OR2J3: variants seen among roughly 807,000 people sequenced by gnomAD.
The protein encoded by OR2J3 is olfactory receptor 2J3.
OR2J3 carries 13 observed loss-of-function variants against 18.5 expected under a neutral mutation model. That is an observed-to-expected ratio of 0.70 (90% CI 0.46 to 1.12). The LOEUF (loss-of-function observed/expected upper bound fraction) is 1.12, where lower values mean the gene tolerates loss of function less well. Ranked by LOEUF, OR2J3 falls within the 50% of genes most tolerant of loss-of-function variation. The pLI is 0.00. For synonymous variants in OR2J3, 142 were observed against 140.6 expected (o/e 1.01, Z -0.07); for missense variants, 321 against 371.6 (o/e 0.86, Z 1.12).
intron 3 of OR2J3, among the ~76,000 whole-genome samples, chr6:29,110,354 C>T (rs373015579): frequency 6.6e-6 from 1 of 152,140 alleles, no homozygotes; most frequent in Non-Finnish European, 1.5e-5. Flanking sequence ...CTAATTGAAG[C>T]TAAACATTTT....
chr6:29,112,100 A>C lies in OR2J3; in HGVS notation c.210A>C (p.Ser70=). ...TPMYFFLSNL[S]FLDLCYTTSS... ...TGTACTTCTTCCTTTCAAACCTCTC[A>C]TTTCTGGATCTCTGCTACACCACCA... The change falls in exon 4 of 4, where the codon TCA becomes TCC. Residue 70 remains serine (S), a synonymous_variant. Transcript: ENST00000641151. 2 of 1,613,878 alleles carry C rather than the reference A, an allele frequency of 1.2e-6. No individual in the cohort carries two copies. The highest frequency in any genetic ancestry group is 1.7e-6 in the Non-Finnish European group (2 of 1,179,980).
chr6:29,112,591 C>T lies in OR2J3; in HGVS notation c.701C>T (p.Thr234Ile), dbSNP rs1390797584. The T allele has an allele frequency of 6.2e-6, 10 of 1,614,088 alleles. No individual in the cohort carries two copies. Among genetic ancestry groups the T allele is most frequent in the Non-Finnish European group, 8.5e-6 (10 of 1,179,976 alleles). The change falls in exon 4 of 4, where the codon ACC becomes ATC. Residue 234 changes from threonine (T) to isoleucine (I), a missense_variant. Physicochemically the swap from Thr to Ile is moderately conservative, Grantham distance 89 (BLOSUM62 -1). Coordinates refer to ENST00000641151, the MANE Select transcript of OR2J3 (RefSeq NM_001005216.4). ...CGAGCTATACTGAGGATGCAGTCAACCACTGGGCTTCAGAAAGTGTTTGGA... is the reference window on the plus strand; with the variant it reads ...CGAGCTATACTGAGGATGCAGTCAATCACTGGGCTTCAGAAAGTGTTTGGA... The part of the protein sequence containing the change: ...IVRAILRMQS[T>I]TGLQKVFGTC...
intron 3 of OR2J3, 178 bp from the exon 4 acceptor site, chr6:29,111,703 G>A: frequency 1.7e-6 from 1 of 585,046 alleles, no homozygotes; most frequent in Non-Finnish European, 2.9e-6. Context: ...TTTTATATCA[G>A]TATGAGCTTT....
chr6:29,111,915 G>C lies in OR2J3; in HGVS notation c.25G>C (p.Ala9Pro). The change falls in exon 4 of 4, where the codon GCT (alanine) becomes CCT (proline). Residue 9 changes from alanine (A) to proline (P), a missense_variant. Coordinates refer to ENST00000641151, the MANE Select transcript of OR2J3 (RefSeq NM_001005216.4). MNDDGKVN[A>P]SSEGYFILVG... Reference sequence around the variant, plus strand: ...AATGAATGATGATGGAAAAGTCAATGCTAGCTCTGAGGGGTACTTTATTTT... The same window carrying C: ...AATGAATGATGATGGAAAAGTCAATCCTAGCTCTGAGGGGTACTTTATTTT... 6.2e-7 allele frequency: 1 copy of C among 1,613,078 alleles called. No homozygotes were observed.
At position 29,112,877 on chromosome 6, in the gene OR2J3, A is replaced by G; in HGVS notation, c.*51A>G. 1 of 1,530,814 alleles carries G rather than the reference A, an allele frequency of 6.5e-7. No homozygotes were observed. Among genetic ancestry groups the G allele is most frequent in the Non-Finnish European group, 8.8e-7 (1 of 1,142,798 alleles). The allele number at this position is 1,530,814 out of a possible 1,614,324, so 94.8% of individuals were successfully genotyped here. On this transcript the variant is annotated 3_prime_UTR_variant, in exon 4 of 4. Transcript: ENST00000641151. Reference sequence around the variant, plus strand: ...TATAACAGAGTCTCCCCTCACAATGATTCATCCTTCTATTTATTTATCAAC... The same window carrying G: ...TATAACAGAGTCTCCCCTCACAATGGTTCATCCTTCTATTTATTTATCAAC...
rs1015886233 is a variant in OR2J3 at position 29,113,311 on chromosome 6, T to C, written c.*485T>C. On this transcript the variant is annotated 3_prime_UTR_variant, in exon 4 of 4. Coordinates refer to ENST00000641151, the MANE Select transcript of OR2J3 (RefSeq NM_001005216.4). ...TACTTCAAATCCTTTTCTCCAACAA[T>C]GCTTATTCTTTGTCGGATAGTAAAT... 1 of 155,922 alleles carries C rather than the reference T, an allele frequency of 6.4e-6. No individual in the cohort carries two copies. Among genetic ancestry groups the C allele is most frequent in the African/African-American group, 2.4e-5 (1 of 41,526 alleles). 9.7% of individuals were successfully genotyped at this position (155,922 alleles called of 1,614,324 possible). A position where few individuals can be genotyped will look rare whatever the true frequency, so the allele number is the denominator to read the frequency against.
At position 29,112,905 on chromosome 6, in the gene OR2J3, T is replaced by G. The variant is rs540649343; in HGVS notation, c.*79T>G. 6.8e-7 allele frequency: 1 copy of G among 1,468,400 alleles called. No homozygotes were observed. The highest frequency in any genetic ancestry group is 2.3e-5 in the East Asian group (1 of 42,588). 91.0% of individuals were successfully genotyped at this position (1,468,400 alleles called of 1,614,324 possible). On this transcript the variant is annotated 3_prime_UTR_variant, in exon 4 of 4. Transcript: ENST00000641151. Reference sequence around the variant, plus strand: ...CATCCTTCTATTTATTTATCAACCATTCTTTTATTCACTCACTCTGTTAGC... The same window carrying G: ...CATCCTTCTATTTATTTATCAACCAGTCTTTTATTCACTCACTCTGTTAGC...
Position 29,112,581 on chromosome 6 carries a change from A to T in OR2J3, c.691A>T (p.Met231Leu), listed in dbSNP as rs1192048245. The T allele has an allele frequency of 1.2e-6, 2 of 1,613,850 alleles. No homozygotes were observed. The change falls in exon 4 of 4, where the codon ATG becomes TTG. Residue 231 changes from methionine to leucine, a missense_variant. Physicochemically the swap from Met to Leu is conservative, Grantham distance 15. Transcript: ENST00000641151. ...YGAIVRAILR[M>L]QSTTGLQKVF... ...TGCCATCGTCCGAGCTATACTGAGG[A>T]TGCAGTCAACCACTGGGCTTCAGAA...
At chr6:29,111,852 T>G (rs974385852) in intron 3 of OR2J3, 29 bp from the exon 4 acceptor site, 2 of 1,546,406 alleles carry the variant, frequency 1.3e-6, no homozygotes, top group Admixed American at 4.2e-5. Flanking sequence ...ACTCGTTTTT[T>G]GAGTTTACCT....
intron 3 of OR2J3, chr6:29,109,687 T>C (rs888359644): frequency 6.6e-6 from 1 of 152,106 alleles, no homozygotes; most frequent in Non-Finnish European, 1.5e-5. Flanking sequence ...ACAATAACTA[T>C]ATAACAAAAA....
In OR2J3 at chr6:29,112,562, C is replaced by G; in HGVS notation, c.672C>G (p.Ile224Met). 1 of 1,614,034 alleles carries G rather than the reference C, an allele frequency of 6.2e-7. No individual in the cohort carries two copies. The highest frequency in any genetic ancestry group is 8.5e-7 in the Non-Finnish European group (1 of 1,179,960). ...LILILTSYGA[I>M]VRAILRMQST... ...TCATTCTCACTTCTTATGGTGCCAT[C>G]GTCCGAGCTATACTGAGGATGCAGT... is the stretch of plus-strand genomic sequence containing the variant. The change falls in exon 4 of 4, where the codon ATC (isoleucine) becomes ATG (methionine). Residue 224 changes from isoleucine to methionine, a missense_variant. Physicochemically the swap from Ile to Met is conservative, Grantham distance 10. Transcript: ENST00000641151.
In OR2J3 at chr6:29,112,550, T is replaced by C. The variant is rs765638816; in HGVS notation, c.660T>C (p.Ser220=). The C allele has an allele frequency of 3.6e-5, 58 of 1,613,946 alleles. No homozygotes were observed. In the East Asian group the frequency reaches 1.3e-3, roughly 35 times the overall value. Residue 220 remains serine, a synonymous_variant, in exon 4 of 4, where the codon TCT becomes TCC. Coordinates refer to ENST00000641151, the MANE Select transcript of OR2J3 (RefSeq NM_001005216.4). Reference sequence around the variant, plus strand: ...TACCTCTCATCCTCATTCTCACTTCTTATGGTGCCATCGTCCGAGCTATAC... The same window carrying C: ...TACCTCTCATCCTCATTCTCACTTCCTATGGTGCCATCGTCCGAGCTATAC... ...VLIPLILILT[S]YGAIVRAILR...
intron 3 of OR2J3, among the ~76,000 whole-genome samples, chr6:29,110,440 G>T (rs947784020): frequency 1.3e-5 from 2 of 151,974 alleles, no homozygotes; most frequent in African/African-American, 4.8e-5. Context: ...TAAGATTATT[G>T]TGATTGCAAT....
chr6:29,112,325 C>A lies in OR2J3; in HGVS notation c.435C>A (p.His145Gln). The A allele has an allele frequency of 1.2e-6, 2 of 1,614,180 alleles. No homozygotes were observed. The highest frequency in any genetic ancestry group is 1.7e-6 in the Non-Finnish European group (2 of 1,180,046). Residue 145 changes from histidine to glutamine, a missense_variant, in exon 4 of 4, where the codon CAC (histidine) becomes CAA (glutamine). His to Gln is a conservative substitution (Grantham distance 24). Transcript: ENST00000641151. Reference protein sequence around the residue: ...YTVLMHPRFCHLLAVASWVSG... With the variant: ...YTVLMHPRFCQLLAVASWVSG... ...TCCTCATGCACCCTCGTTTCTGCCA[C>A]CTGCTGGCTGTGGCTTCTTGGGTAA...
intron 3 of OR2J3, among the ~76,000 whole-genome samples, chr6:29,110,299 T>C (rs1478137335): frequency 6.6e-6 from 1 of 152,190 alleles, no homozygotes; most frequent in Non-Finnish European, 1.5e-5. Flanking sequence ...AGTTTAGAAA[T>C]ACATTTTGAG....
rs1370883415 is a variant in OR2J3, at chr6:29,112,538, C to A, written c.648C>A (p.Leu216=). ...TATTTGTTCTCATACCTCTCATCCT[C>A]ATTCTCACTTCTTATGGTGCCATCG... ...SSIFVLIPLI[L]ILTSYGAIVR... is the part of the protein sequence containing the mutation. The change falls in exon 4 of 4, where the codon CTC becomes CTA. Residue 216 remains leucine, a synonymous_variant. Transcript: ENST00000641151. 6.2e-7 allele frequency: 1 copy of A among 1,614,016 alleles called. No individual in the cohort carries two copies. Among genetic ancestry groups the A allele is most frequent in the Non-Finnish European group, 8.5e-7 (1 of 1,180,008 alleles).
intron 3 of OR2J3, among the ~76,000 whole-genome samples, chr6:29,111,406 G>C (rs1762120210): frequency 6.6e-6 from 1 of 152,152 alleles, no homozygotes; most frequent in Non-Finnish European, 1.5e-5. Flanking sequence ...TGCAAATACA[G>C]TTGATCTTAA....
rs1344910601 is a variant in OR2J3, at chr6:29,108,852, C to G, written c.-34C>G. On this transcript the variant is annotated 5_prime_UTR_variant, in exon 3 of 4. Transcript: ENST00000641151. ...GAAGAAAATTAACCCAGAAAAATTC[C>G]TACCTTTTCCTTGCTTGCATCTGGT... The G allele has an allele frequency of 2.0e-5, 3 of 152,166 alleles. No individual in the cohort carries two copies. The highest frequency in any genetic ancestry group is 7.2e-5 in the African/African-American group (3 of 41,442). 9.4% of individuals were successfully genotyped at this position (152,166 alleles called of 1,614,324 possible).
intron 3 of OR2J3, among the ~76,000 whole-genome samples, chr6:29,109,106 A>G (rs41317439): frequency 0.092 from 14,011 of 152,232 alleles, 732 homozygotes; most frequent in South Asian, 0.12. Context: ...ATTATCTCCT[A>G]TTCTAGAGAA....
Sources: allele counts gnomAD v4.1 joint callset (sites outside exome capture counted in the v4.1 genomes callset), GRCh38; gene constraint gnomAD v4.1.1; transcripts MANE v1.5; gene names NCBI Gene and HGNC (gene_info 2026-07-23, HGNC 2026-07-21).